The following PSMD14 variants were observed in gnomAD, a reference collection of about 807,000 sequenced individuals.
The protein encoded by PSMD14 is ubiquitin C-terminal hydrolase PSMD14.
Under a neutral mutation model 41.2 loss-of-function variants are expected in PSMD14, and 7 were observed. The ratio of observed to expected loss-of-function variants is 0.17; its 90% CI spans 0.10 to 0.32. PSMD14 has a LOEUF of 0.32. PSMD14 is among the 10% of genes least tolerant of loss of function. The probability of loss-of-function intolerance (pLI) is 1.00; values close to 1 mark genes in which losing one functional copy is unlikely to be tolerated. For missense variants in PSMD14, 139 were observed against 375.6 expected (o/e 0.37, Z 5.21); for synonymous variants, 114 against 122.3 (o/e 0.93, Z 0.45).
At chr2:161,329,203 C>T (rs572463527) in intron 3 of PSMD14, among the ~76,000 whole-genome samples, 2 of 152,238 alleles carry the variant, frequency 1.3e-5, no homozygotes, top group East Asian at 1.9e-4. Context: ...GAAGATGAAG[C>T]TACCACAATA....
intron 3 of PSMD14, among the ~76,000 whole-genome samples, chr2:161,362,764 G>A (rs969084088): frequency 2.0e-5 from 3 of 152,004 alleles, no homozygotes; most frequent in African/African-American, 4.8e-5. Flanking sequence ...TTCTCTACTC[G>A]TATGGTTTTA....
At chr2:161,367,591 G>T in intron 4 of PSMD14, 42 bp downstream of exon 4, 2 of 1,512,274 alleles carry the variant, frequency 1.3e-6, no homozygotes, top group Non-Finnish European at 1.8e-6. Flanking sequence ...GAACTCTGTT[G>T]CTTTCACTGT....
At chr2:161,314,437 G>C (rs1373168435) in intron 1 of PSMD14, among the ~76,000 whole-genome samples, 1 of 152,186 alleles carries the variant, frequency 6.6e-6, no homozygotes, top group Non-Finnish European at 1.5e-5. Context: ...GAACAGTTTA[G>C]TATCATTTTG....
intron 8 of PSMD14, among the ~76,000 whole-genome samples, chr2:161,387,368 C>T (rs1348173165): frequency 6.6e-6 from 1 of 151,976 alleles, no homozygotes; most frequent in Non-Finnish European, 1.5e-5. Flanking sequence ...GATCAGAAAC[C>T]TTTCAGAAAT....
chr2:161,371,549 T>C (rs189966519), intron 7 of PSMD14, among the ~76,000 whole-genome samples: 466 of 152,310 alleles, frequency 3.1e-3, no homozygotes, highest in Non-Finnish European at 4.9e-3. Flanking sequence ...TTTTCCTGAA[T>C]ATTTATCTTT....
chr2:161,395,278 T>C, intron 10 of PSMD14, 75 bp downstream of exon 10: 1 of 1,269,474 alleles, frequency 7.9e-7, no homozygotes, highest in Non-Finnish European at 1.1e-6. Context: ...ATTGTGTAAG[T>C]AATTAAAAAT....
intron 10 of PSMD14, among the ~76,000 whole-genome samples, chr2:161,404,757 C>T (rs2105272441): frequency 6.6e-6 from 1 of 152,236 alleles, no homozygotes; most frequent in East Asian, 1.9e-4. Context: ...CACATCATAC[C>T]TTTGAACTTC....
chr2:161,315,539 C>A (rs1332722508), intron 1 of PSMD14, among the ~76,000 whole-genome samples: 1 of 152,024 alleles, frequency 6.6e-6, no homozygotes, highest in Non-Finnish European at 1.5e-5. Flanking sequence ...AAAGATGGGT[C>A]AGTGCTTTCT....
At chr2:161,351,932 C>A (rs554896317) in intron 3 of PSMD14, among the ~76,000 whole-genome samples, 1 of 152,192 alleles carries the variant, frequency 6.6e-6, no homozygotes, top group East Asian at 1.9e-4. Context: ...CCTGAGAGAG[C>A]GGAACCAGAA....
chr2:161,364,973 A>G (rs542477653), intron 3 of PSMD14, among the ~76,000 whole-genome samples: 1 of 152,158 alleles, frequency 6.6e-6, no homozygotes, highest in Admixed American at 6.5e-5. Flanking sequence ...GCGTGGTGAC[A>G]TGCCCCTTGT....
intron 11 of PSMD14, among the ~76,000 whole-genome samples, chr2:161,410,983 T>C (rs573588223): frequency 6.6e-6 from 1 of 152,218 alleles, no homozygotes; most frequent in Admixed American, 6.5e-5. Context: ...TATACATATA[T>C]AAATGAAATT....
At chr2:161,399,539 T>C (rs1163462942) in intron 10 of PSMD14, among the ~76,000 whole-genome samples, 1 of 152,108 alleles carries the variant, frequency 6.6e-6, no homozygotes, top group Non-Finnish European at 1.5e-5. Context: ...GAGATTTTGG[T>C]GCACCCATCC....
Position 161,371,243 on chromosome 2 carries a change from A to G in PSMD14, c.383A>G (p.Asn128Ser), listed in dbSNP as rs1372985669. ...TGTTGGCTTTCTGGTGTGGATATCAACACTCAGCAGAGCTTTGAAGCCTTG... is the reference window on the plus strand; with the variant it reads ...TGTTGGCTTTCTGGTGTGGATATCAGCACTCAGCAGAGCTTTGAAGCCTTG... ...FGCWLSGVDINTQQSFEALSE... is the reference protein window; with the variant it reads ...FGCWLSGVDISTQQSFEALSE... The change falls in exon 7 of 12, where the codon AAC (asparagine) becomes AGC (serine). Residue 128 changes from asparagine (N) to serine (S), a missense_variant. Physicochemically the swap from Asn to Ser is conservative, Grantham distance 46. This residue lies in a region of PSMD14 where 35 missense variants were observed against 162.9 expected (regional missense o/e 0.21). Coordinates refer to ENST00000409682, the MANE Select transcript of PSMD14 (RefSeq NM_005805.6). 1 of 1,612,636 alleles carries G rather than the reference A, an allele frequency of 6.2e-7. No homozygotes were observed.
chr2:161,385,602 C>A, intron 8 of PSMD14, 31 bp downstream of exon 8: 1 of 1,411,138 alleles, frequency 7.1e-7, no homozygotes, highest in Non-Finnish European at 9.9e-7. Flanking sequence ...TGTGTTAAAA[C>A]TCTTTTAAAT....
At chr2:161,367,696 T>A in intron 4 of PSMD14, 88 bp from the exon 5 acceptor site, 1 of 1,509,382 alleles carries the variant, frequency 6.6e-7, no homozygotes, top group Admixed American at 2.4e-5. Context: ...TTATTTTCAC[T>A]GGAACAAAAT....
At chr2:161,383,685 A>C (rs1683597940) in intron 7 of PSMD14, 1 of 151,600 alleles carries the variant, frequency 6.6e-6, no homozygotes, top group Non-Finnish European at 1.5e-5. Context: ...CCTCTCACAA[A>C]TGAATTTACT....
intron 3 of PSMD14, among the ~76,000 whole-genome samples, chr2:161,354,477 A>G (rs1683165551): frequency 7.2e-6 from 1 of 139,732 alleles, no homozygotes; most frequent in South Asian, 2.4e-4. Context: ...ATGTTTTTTT[A>G]TAACAAAGGT....
intron 3 of PSMD14, among the ~76,000 whole-genome samples, chr2:161,363,276 G>A (rs1251474192): frequency 6.6e-6 from 1 of 152,142 alleles, no homozygotes; most frequent in Non-Finnish European, 1.5e-5. Context: ...CTGGTCCCTG[G>A]CACCAAAGAG....
intron 3 of PSMD14, among the ~76,000 whole-genome samples, chr2:161,319,341 T>C (rs1478617093): frequency 6.0e-5 from 8 of 132,358 alleles, no homozygotes; most frequent in Non-Finnish European, 1.0e-4. Context: ...TAATAAGTAA[T>C]CTCTCTCCTT....
Sources: gnomAD v4.1 joint callset for allele counts (sites outside exome capture counted in the v4.1 genomes callset) on GRCh38, gnomAD v4.1.1 for gene constraint, gnomAD v4.1.1 regional missense constraint, MANE v1.5 for transcripts, NCBI Gene and HGNC (gene_info 2026-07-23, HGNC 2026-07-21) for gene names.